Variants in KIAA1217 observed in about 807,000 individuals in gnomAD.
KIAA1217 encodes KIAA1217.
In KIAA1217, 88 loss-of-function variants were observed where a neutral mutation model predicts 163.9. The ratio of observed to expected loss-of-function variants is 0.54; its 90% CI spans 0.45 to 0.64. The LOEUF (loss-of-function observed/expected upper bound fraction) is 0.64. KIAA1217 is among the 30% of genes least tolerant of loss of function. The pLI is 0.00. For missense variants in KIAA1217, 2,372 were observed against 2,475.0 expected, an observed-to-expected ratio of 0.96 and a Z score of 0.88; for synonymous variants, 903 against 923.1, an observed-to-expected ratio of 0.98 and a Z score of 0.39.
In KIAA1217 at chr10:24,239,341, A is replaced by G. The variant is rs370616215; in HGVS notation, c.354+19432A>G. ...ACCTGTGGAGCTCTGGGTACAGGTAAATATGCGGGGTTTTTTTCTTCCAAG... is the reference window on the plus strand; with the variant it reads ...ACCTGTGGAGCTCTGGGTACAGGTAGATATGCGGGGTTTTTTTCTTCCAAG... On this transcript the variant is annotated intron_variant, in intron 2 of 20. Transcript: ENST00000376454. 30 of 979,370 alleles carry G rather than the reference A, an allele frequency of 3.1e-5. No individual in the cohort carries two copies. In the East Asian group the frequency reaches 5.7e-4, roughly 19 times the overall value. The allele number at this position is 979,370 out of a possible 1,614,324, so 60.7% of individuals were successfully genotyped here.
intron 1 of KIAA1217, among the ~76,000 whole-genome samples, chr10:23,737,392 A>G (rs1425542463): frequency 6.6e-6 from 1 of 151,214 alleles, no homozygotes; most frequent in Non-Finnish European, 1.5e-5. Flanking sequence ...ACGGGGTTTC[A>G]CCATATTGGC....
intron 5 of KIAA1217, among the ~76,000 whole-genome samples, chr10:24,445,843 C>G (rs1016715152): frequency 2.8e-4 from 43 of 152,036 alleles, no homozygotes; most frequent in Non-Finnish European, 5.3e-4. Context: ...ATAAACATAC[C>G]TGTGCATGTG....
intron 1 of KIAA1217, among the ~76,000 whole-genome samples, chr10:23,846,549 G>A (rs902391585): frequency 1.3e-5 from 2 of 151,928 alleles, no homozygotes; most frequent in Non-Finnish European, 2.9e-5. Flanking sequence ...TCTTGGTGTT[G>A]TATAGGAATG....
intron 1 of KIAA1217, among the ~76,000 whole-genome samples, chr10:23,919,294 C>T (rs1180815600): frequency 5.3e-5 from 8 of 151,820 alleles, no homozygotes; most frequent in Non-Finnish European, 1.0e-4. Flanking sequence ...CCCACTAAAT[C>T]TCAATTCCTC....
intron 1 of KIAA1217, among the ~76,000 whole-genome samples, chr10:23,923,424 T>C (rs1186489767): frequency 6.6e-6 from 1 of 152,154 alleles, no homozygotes; most frequent in African/African-American, 2.4e-5. Flanking sequence ...TACATCCTTA[T>C]ATGGCAAAGG....
At chr10:24,040,846 T>C (rs1213652448) in intron 2 of KIAA1217, among the ~76,000 whole-genome samples, 3 of 152,222 alleles carry the variant, frequency 2.0e-5, no homozygotes, top group African/African-American at 2.4e-5. Flanking sequence ...AAAGTATTTA[T>C]TGAGTGCTAC....
At chr10:24,155,720 G>A (rs917937328) in intron 2 of KIAA1217, among the ~76,000 whole-genome samples, 11 of 152,156 alleles carry the variant, frequency 7.2e-5, no homozygotes, top group African/African-American at 2.7e-4. Context: ...TACTCAGGAG[G>A]CTAAGGCAGG....
At chr10:24,321,844 G>A (rs867589294) in intron 2 of KIAA1217, among the ~76,000 whole-genome samples, 1 of 152,162 alleles carries the variant, frequency 6.6e-6, no homozygotes, top group Non-Finnish European at 1.5e-5. Context: ...ATGGGTGGTG[G>A]TGATGATCAC....
At chr10:23,784,623 G>A (rs769637073) in intron 1 of KIAA1217, among the ~76,000 whole-genome samples, 3 of 151,882 alleles carry the variant, frequency 2.0e-5, no homozygotes, top group African/African-American at 4.8e-5. Context: ...TGTGCATTTA[G>A]TATATGTTTT....
intron 1 of KIAA1217, among the ~76,000 whole-genome samples, chr10:23,732,625 T>A (rs1838538155): frequency 6.6e-6 from 1 of 152,190 alleles, no homozygotes; most frequent in East Asian, 1.9e-4. Context: ...TCTATTGATC[T>A]CCTGTTTCCA....
rs186284421 is a variant in KIAA1217 at position 23,834,581 on chromosome 10, A to G, written c.-321+139347A>G. Among the ~76,000 whole-genome samples, 8 of 152,320 alleles carry G rather than the reference A, an allele frequency of 5.3e-5. No homozygotes were observed. The East Asian group carries it at 1.5e-3, about 29-fold the overall frequency. ...TACTATGGAGAAAAAAGAAAGAAAA[A>G]TGAGGAATTTGGGGTCAGTGTTAAC... On this transcript the variant is annotated intron_variant, in intron 1 of 18. Coordinates refer to the KIAA1217 transcript ENST00000376462.
intron 1 of KIAA1217, among the ~76,000 whole-genome samples, chr10:23,809,084 A>G (rs1472978379): frequency 6.6e-6 from 1 of 152,136 alleles, no homozygotes; most frequent in East Asian, 1.9e-4. Flanking sequence ...AAGCAATGAC[A>G]AACTTTGACT....
chr10:23,741,587 G>C (rs1382566160), intron 1 of KIAA1217, among the ~76,000 whole-genome samples: 1 of 152,098 alleles, frequency 6.6e-6, no homozygotes, highest in Admixed American at 6.5e-5. Context: ...ACATCAGTAG[G>C]TTGCTTCAGG....
At chr10:23,790,477 GTGCATATA>G (rs1192455571) in intron 1 of KIAA1217, among the ~76,000 whole-genome samples, 1 of 97,640 alleles carries the variant, frequency 1.0e-5, no homozygotes, top group African/African-American at 5.7e-5. Context: ...ATATATACAT[GTGCATATA>G]TACATATATA....
chr10:24,035,183 T>C (rs1057512715), intron 2 of KIAA1217, among the ~76,000 whole-genome samples: 6 of 152,174 alleles, frequency 3.9e-5, no homozygotes, highest in Admixed American at 6.5e-5. Flanking sequence ...GAGTTTCAGT[T>C]TGCTCATCTG....
At chr10:23,871,936 C>T (rs937091577) in intron 1 of KIAA1217, among the ~76,000 whole-genome samples, 1 of 152,048 alleles carries the variant, frequency 6.6e-6, no homozygotes, top group African/African-American at 2.4e-5. Flanking sequence ...GCCAATGAGT[C>T]CTGAATCGTG....
At chr10:24,442,855 A>G (rs1308731174) in intron 5 of KIAA1217, among the ~76,000 whole-genome samples, 1 of 151,688 alleles carries the variant, frequency 6.6e-6, no homozygotes, top group East Asian at 1.9e-4. Context: ...CACTGCCTGT[A>G]CCAGTATTCT....
intron 2 of KIAA1217, among the ~76,000 whole-genome samples, chr10:24,287,717 C>T (rs2078683608): frequency 6.6e-6 from 1 of 152,112 alleles, no homozygotes. Context: ...ATTTGCTTTG[C>T]TCATAATTTA....
At chr10:24,374,928 G>T (rs1001069320) in intron 2 of KIAA1217, among the ~76,000 whole-genome samples, 1 of 152,112 alleles carries the variant, frequency 6.6e-6, no homozygotes, top group Non-Finnish European at 1.5e-5. Flanking sequence ...GGAACTACAC[G>T]TGTGCAGCAC....
Sources: gnomAD v4.1 joint callset for allele counts (sites outside exome capture counted in the v4.1 genomes callset) on GRCh38, gnomAD v4.1.1 for gene constraint, MANE v1.5 for transcripts, NCBI Gene and HGNC (gene_info 2026-07-23, HGNC 2026-07-21) for gene names.